The following CFAP221 variants were observed in gnomAD, a reference collection of about 807,000 sequenced individuals.
CFAP221 encodes the protein cilia and flagella associated protein 221.
CFAP221 carries 97 observed loss-of-function variants against 113.1 expected under a neutral mutation model. The observed-to-expected ratio is 0.86, with a 90% CI of 0.73 to 1.02. CFAP221 has a LOEUF of 1.02. Among genes scored for constraint, CFAP221 ranks in the 50% least tolerant of loss-of-function variants. CFAP221 has a pLI of 0.00. For missense variants in CFAP221, 1,025 were observed against 1,013.4 expected (o/e 1.01, Z -0.16); for synonymous variants, 331 against 354.4 (o/e 0.93, Z 0.74).
chr2:119,553,324 C>T (rs1234092588), intron 3 of CFAP221, among the ~76,000 whole-genome samples: 1 of 152,068 alleles, frequency 6.6e-6, no homozygotes, highest in East Asian at 1.9e-4. Context: ...TATTTGGAGG[C>T]TGGTTTGCCT....
At chr2:119,625,833 C>G in intron 15 of CFAP221, 145 bp downstream of exon 15, 1 of 639,096 alleles carries the variant, frequency 1.6e-6, no homozygotes, top group Non-Finnish European at 2.7e-6. Flanking sequence ...TATAACAAAT[C>G]ACTTGTGCCT....
intron 2 of CFAP221, among the ~76,000 whole-genome samples, chr2:119,547,537 C>T (rs542623229): frequency 1.2e-4 from 18 of 152,158 alleles, no homozygotes; most frequent in African/African-American, 4.3e-4. Flanking sequence ...CCAGTCAGGG[C>T]AACAGAGCGA....
chr2:119,595,368 T>C (rs530741971), intron 7 of CFAP221, among the ~76,000 whole-genome samples: 21 of 152,364 alleles, frequency 1.4e-4, no homozygotes, highest in African/African-American at 4.3e-4. Flanking sequence ...GTCAGGCTTT[T>C]TGTTTGTGCT....
chr2:119,573,750 A>G (rs1682234505), intron 6 of CFAP221, among the ~76,000 whole-genome samples: 2 of 152,360 alleles, frequency 1.3e-5, no homozygotes, highest in Middle Eastern at 3.4e-3. Context: ...AAATTCTTCC[A>G]TACATTGTTG....
Position 119,545,797 on chromosome 2 carries a change from C to T in CFAP221, c.-47-288C>T, listed in dbSNP as rs192899478. On this transcript the variant is annotated intron_variant, in intron 1 of 23. Coordinates refer to ENST00000413369, the MANE Select transcript of CFAP221 (RefSeq NM_001271049.2). ...TTATTTTTCCCTTCTCGGGCCCCTG[C>T]AATGAACTCAAGAAGCATCTCAGAA... 1.6e-3 allele frequency among the ~76,000 whole-genome samples: 243 copies of T among 152,250 alleles called. 1 individual carries two copies. Among genetic ancestry groups the T allele is most frequent in the African/African-American group, 5.4e-3 (225 of 41,548 alleles).
At chr2:119,600,837 C>CA (rs1158556331) in intron 7 of CFAP221, among the ~76,000 whole-genome samples, 1 of 152,204 alleles carries the variant, frequency 6.6e-6, no homozygotes, top group East Asian at 1.9e-4. Flanking sequence ...TCCTCCTCCT[C>CA]AGCCTATTCA....
chr2:119,599,064 G>C (rs556298775), intron 7 of CFAP221, among the ~76,000 whole-genome samples: 15 of 152,318 alleles, frequency 9.8e-5, no homozygotes, highest in African/African-American at 3.6e-4. Context: ...GCTGGTCTTA[G>C]GTTGGCTGAT....
intron 6 of CFAP221, among the ~76,000 whole-genome samples, chr2:119,586,215 G>T (rs191250227): frequency 1.3e-5 from 2 of 152,254 alleles, no homozygotes; most frequent in African/African-American, 2.4e-5. Context: ...CAGGAATGCA[G>T]GGAGTGGCTG....
intron 2 of CFAP221, among the ~76,000 whole-genome samples, chr2:119,548,276 T>C (rs1680187825): frequency 6.6e-6 from 1 of 152,182 alleles, no homozygotes; most frequent in African/African-American, 2.4e-5. Context: ...TATTTTTGAT[T>C]ACCAGCTGTG....
At chr2:119,556,647 A>T (rs1680827035) in intron 3 of CFAP221, among the ~76,000 whole-genome samples, 1 of 149,760 alleles carries the variant, frequency 6.7e-6, no homozygotes, top group South Asian at 2.1e-4. Flanking sequence ...TCCACCTCCC[A>T]GTTCAAGCGA....
intron 13 of CFAP221, among the ~76,000 whole-genome samples, chr2:119,613,534 G>A (rs1685321141): frequency 6.6e-6 from 1 of 152,210 alleles, no homozygotes; most frequent in Admixed American, 6.5e-5. Context: ...CCATGTGGAA[G>A]CTGCCAAGGT....
intron 22 of CFAP221, among the ~76,000 whole-genome samples, 187 bp downstream of exon 22, chr2:119,647,237 G>A (rs1295925493): frequency 1.3e-5 from 2 of 152,170 alleles, no homozygotes; most frequent in African/African-American, 4.8e-5. Context: ...AGAATCGACA[G>A]TCTCTAAGCT....
intron 22 of CFAP221, among the ~76,000 whole-genome samples, chr2:119,649,013 C>T (rs1006994129): frequency 1.3e-5 from 2 of 152,170 alleles, no homozygotes; most frequent in Admixed American, 6.5e-5. Context: ...TACTGCATTG[C>T]CTTGAAGTGA....
chr2:119,584,904 T>G (rs961152694), intron 6 of CFAP221, among the ~76,000 whole-genome samples: 7 of 152,214 alleles, frequency 4.6e-5, no homozygotes, highest in African/African-American at 1.4e-4. Flanking sequence ...ATTTAATATT[T>G]TTACTTTGCT....
In CFAP221 at chr2:119,630,808, C is replaced by G; in HGVS notation, c.1881C>G (p.Ser627=). 6.2e-7 allele frequency: 1 copy of G among 1,613,722 alleles called. No individual in the cohort carries two copies. Among genetic ancestry groups the G allele is most frequent in the Non-Finnish European group, 8.5e-7 (1 of 1,179,642 alleles). ...TCACAGCCCTTCCGAAACAGGACTC[C>G]ACAACTCAGCTCTCTGGCAAAACAT... ...TTITALPKQD[S]TTQLSGKTSV... The change falls in exon 19 of 24, where the codon TCC becomes TCG. Residue 627 remains serine (S), a synonymous_variant. Transcript: ENST00000413369.
At chr2:119,587,030 A>T in intron 6 of CFAP221, 89 bp from the exon 7 acceptor site, 1 of 916,492 alleles carries the variant, frequency 1.1e-6, no homozygotes, top group Non-Finnish European at 1.6e-6. Flanking sequence ...ATTGTTTATT[A>T]CGTAACTTGA....
intron 6 of CFAP221, among the ~76,000 whole-genome samples, chr2:119,568,053 A>G (rs1681773656): frequency 6.6e-6 from 1 of 152,048 alleles, no homozygotes; most frequent in Non-Finnish European, 1.5e-5. Context: ...TAGTTTGAGT[A>G]CCTTAAGATA....
At chr2:119,638,457 G>A in intron 20 of CFAP221, 40 bp downstream of exon 20, 3 of 1,610,234 alleles carry the variant, frequency 1.9e-6, no homozygotes, top group Non-Finnish European at 2.5e-6. Context: ...GTGACCCTGG[G>A]CTGCAGGGAG....
chr2:119,608,385 C>T, intron 11 of CFAP221, 117 bp from the exon 12 acceptor site: 1 of 667,428 alleles, frequency 1.5e-6, no homozygotes, highest in Non-Finnish European at 2.5e-6. Context: ...TCCCATGTGT[C>T]TCCTCCAGCA....
Sources: gnomAD v4.1 joint callset for allele counts (sites outside exome capture counted in the v4.1 genomes callset) on GRCh38, gnomAD v4.1.1 for gene constraint, MANE v1.5 for transcripts, NCBI Gene and HGNC (gene_info 2026-07-23, HGNC 2026-07-21) for gene names.